Variants in KCND2 observed in about 807,000 individuals in gnomAD.
KCND2 encodes the protein potassium voltage-gated channel subfamily D member 2.
In KCND2, 16 loss-of-function variants were observed where a neutral mutation model predicts 54.4. The observed-to-expected ratio is 0.29, with a 90% CI of 0.20 to 0.45. The LOEUF is 0.45. Among genes scored for constraint, KCND2 ranks in the 20% least tolerant of loss-of-function variants. The probability of loss-of-function intolerance (pLI) is 1.00; values close to 1 mark genes in which losing one functional copy is unlikely to be tolerated. For missense variants in KCND2, 486 were observed against 824.2 expected, an observed-to-expected ratio of 0.59 and a Z score of 5.02; for synonymous variants, 317 against 310.7, an observed-to-expected ratio of 1.02 and a Z score of -0.21.
At chr7:120,594,582 C>T (rs773377825) in intron 1 of KCND2, among the ~76,000 whole-genome samples, 9 of 152,168 alleles carry the variant, frequency 5.9e-5, no homozygotes, top group Non-Finnish European at 1.2e-4. Flanking sequence ...TTTGTAGAAA[C>T]ACAAACTTCA....
chr7:120,429,240 G>T (rs760781339), intron 1 of KCND2, among the ~76,000 whole-genome samples: 29 of 152,000 alleles, frequency 1.9e-4, no homozygotes, highest in Non-Finnish European at 3.5e-4. Flanking sequence ...TTTACTGATG[G>T]TGCAAAATCA....
chr7:120,277,777 A>AT (rs1278775626), intron 1 of KCND2, among the ~76,000 whole-genome samples: 1 of 152,020 alleles, frequency 6.6e-6, no homozygotes, highest in African/African-American at 2.4e-5. Flanking sequence ...ATTAGTGACA[A>AT]TTTTTTATTA....
chr7:120,441,595 TAACA>T (rs1222833195), intron 1 of KCND2, among the ~76,000 whole-genome samples: 1 of 152,116 alleles, frequency 6.6e-6, no homozygotes, highest in Non-Finnish European at 1.5e-5. Flanking sequence ...AATGTGTATG[TAACA>T]GACAACTCAG....
intron 1 of KCND2, among the ~76,000 whole-genome samples, chr7:120,604,309 C>T (rs1240108641): frequency 1.3e-5 from 2 of 148,258 alleles, no homozygotes; most frequent in African/African-American, 5.0e-5. Flanking sequence ...CGAGACCAGC[C>T]TGGCCAACAT....
At chr7:120,733,988 T>C (rs1312768258) in intron 2 of KCND2, among the ~76,000 whole-genome samples, 2 of 152,062 alleles carry the variant, frequency 1.3e-5, no homozygotes, top group Non-Finnish European at 2.9e-5. Flanking sequence ...TTAGCCAAAT[T>C]AAATTGAAAA....
intron 1 of KCND2, among the ~76,000 whole-genome samples, chr7:120,502,045 T>C (rs1467618744): frequency 6.6e-6 from 1 of 152,038 alleles, no homozygotes; most frequent in Non-Finnish European, 1.5e-5. Context: ...TCAGAAAACA[T>C]CTTTTAGTCC....
chr7:120,549,241 G>A (rs1285874273), intron 1 of KCND2, among the ~76,000 whole-genome samples: 3 of 152,070 alleles, frequency 2.0e-5, no homozygotes, highest in Admixed American at 1.3e-4. Context: ...AAATTAGCAA[G>A]CATGCCATTT....
intron 1 of KCND2, among the ~76,000 whole-genome samples, chr7:120,454,387 C>G (rs1333045927): frequency 6.6e-6 from 1 of 152,122 alleles, no homozygotes; most frequent in Non-Finnish European, 1.5e-5. Flanking sequence ...TCTGACCCCA[C>G]AGAAGCACAA....
Position 120,651,351 on chromosome 7 carries a change from A to G in KCND2, c.1116-81552A>G, listed in dbSNP as rs551038104. Among the ~76,000 whole-genome samples, 12 of 152,040 alleles carry G rather than the reference A, an allele frequency of 7.9e-5. No homozygotes were observed. In the South Asian group the frequency reaches 1.5e-3, roughly 18 times the overall value. ...TCCCCAAGCCTGGCTGCTGCCTTGC[A>G]GTTCGATCTCAGACTGCTGTGCCAG... On this transcript the variant is annotated intron_variant, in intron 1 of 5. Coordinates refer to ENST00000331113, the MANE Select transcript of KCND2 (RefSeq NM_012281.3).
intron 1 of KCND2, among the ~76,000 whole-genome samples, chr7:120,440,239 T>C (rs1801928543): frequency 6.6e-6 from 1 of 152,048 alleles, no homozygotes; most frequent in Non-Finnish European, 1.5e-5. Context: ...TGCGTTTCTC[T>C]GAATATTAGG....
chr7:120,677,562 TAGATATATAGATATATAG>T (rs1562906484), intron 1 of KCND2, among the ~76,000 whole-genome samples: 31 of 126,328 alleles, frequency 2.5e-4, no homozygotes, highest in African/African-American at 8.9e-4. Context: ...TATAGATATA[TAGATATATAGATATATAG>T]ATATATAAAA....
chr7:120,335,078 A>G (rs1417188446), intron 1 of KCND2, among the ~76,000 whole-genome samples: 1 of 152,092 alleles, frequency 6.6e-6, no homozygotes, highest in Non-Finnish European at 1.5e-5. Flanking sequence ...TTAAAAAGTA[A>G]TCCTGGCTGG....
intron 1 of KCND2, among the ~76,000 whole-genome samples, chr7:120,602,503 CAG>C (rs1311474270): frequency 6.6e-6 from 1 of 152,144 alleles, no homozygotes; most frequent in Non-Finnish European, 1.5e-5. Flanking sequence ...CGATGCTGAG[CAG>C]AGAGAGGGAT....
chr7:120,449,035 G>A (rs76417894), intron 1 of KCND2, among the ~76,000 whole-genome samples: 4,064 of 152,132 alleles, frequency 0.027, 84 homozygotes, highest in Non-Finnish European at 0.045. Context: ...CAACGAAATA[G>A]AAATCTTTTC....
intron 1 of KCND2, among the ~76,000 whole-genome samples, chr7:120,614,409 G>C (rs772017274): frequency 6.6e-6 from 1 of 152,216 alleles, no homozygotes; most frequent in East Asian, 1.9e-4. Flanking sequence ...AGGTTTGCTA[G>C]ATTTGACCTC....
chr7:120,538,518 G>C (rs1791939682), intron 1 of KCND2, among the ~76,000 whole-genome samples: 1 of 152,108 alleles, frequency 6.6e-6, no homozygotes, highest in Non-Finnish European at 1.5e-5. Flanking sequence ...AGGAGGGCCT[G>C]GTCTCTCTGC....
At chr7:120,351,061 A>G (rs1249094938) in intron 1 of KCND2, among the ~76,000 whole-genome samples, 1 of 151,836 alleles carries the variant, frequency 6.6e-6, no homozygotes, top group South Asian at 2.1e-4. Context: ...AAAACCTTAT[A>G]GAATTATTAT....
chr7:120,351,398 ACACACACACACACACT>A (rs1161752268), intron 1 of KCND2, among the ~76,000 whole-genome samples: 28 of 148,488 alleles, frequency 1.9e-4, no homozygotes, highest in African/African-American at 7.0e-4. Flanking sequence ...ACACACACAC[ACACACACACACACACT>A]CTCTCTCTCT....
intron 1 of KCND2, among the ~76,000 whole-genome samples, chr7:120,720,937 G>C (rs556293270): frequency 1.3e-5 from 2 of 152,254 alleles, no homozygotes; most frequent in South Asian, 4.1e-4. Context: ...AGAAAATTAA[G>C]TGTAGAGAGG....
Sources: allele counts gnomAD v4.1 joint callset (sites outside exome capture counted in the v4.1 genomes callset), GRCh38; gene constraint gnomAD v4.1.1; transcripts MANE v1.5; gene names NCBI Gene and HGNC (gene_info 2026-07-23, HGNC 2026-07-21).